The following PDE1B variants were observed in gnomAD, a reference collection of about 807,000 sequenced individuals.
The protein encoded by PDE1B is phosphodiesterase 1B.
Under a neutral mutation model 66.7 loss-of-function variants are expected in PDE1B, and 13 were observed. The ratio of observed to expected loss-of-function variants is 0.19; its 90% confidence interval spans 0.13 to 0.31. The LOEUF is 0.31. Ranked by LOEUF, PDE1B falls within the 10% of genes least tolerant of loss-of-function variation. The pLI is 1.00. For missense variants in PDE1B, 485 were observed against 682.3 expected (o/e 0.71, Z 3.22); for synonymous variants, 230 against 253.9 (o/e 0.91, Z 0.90).
At position 54,573,870 on chromosome 12, in the gene PDE1B, A is replaced by AGAGAGAGAGAGAGAGT. The variant is rs774810310; in HGVS notation, c.1064+162_1064+163insAGAGAGAGAGAGAGTG. On this transcript the variant is annotated intron_variant, in intron 10 of 15. Coordinates refer to ENST00000243052, the MANE Select transcript of PDE1B (RefSeq NM_000924.4). This position sits in a 1 kb window ranked among gnomAD's most constrained non-coding sequence, Gnocchi z 5.2. ...GCATCTCTATGTGAGAGAGAGAGAG[A>AGAGAGAGAGAGAGAGT]GTGTGTGTGTGTGTGTGTGTGTGTG... 8 of 502,006 alleles carry AGAGAGAGAGAGAGAGT rather than the reference A, an allele frequency of 1.6e-5. No homozygotes were observed. Among genetic ancestry groups the AGAGAGAGAGAGAGAGT allele is most frequent in the African/African-American group, 1.6e-4 (7 of 44,864 alleles). 31.1% of individuals were successfully genotyped at this position (502,006 alleles called of 1,614,324 possible).
Position 54,573,084 on chromosome 12 carries a change from G to C in PDE1B, c.736-64G>C, listed in dbSNP as rs2121143383. The C allele has an allele frequency of 8.6e-7, 1 of 1,160,544 alleles. No individual in the cohort carries two copies. Among genetic ancestry groups the C allele is most frequent in the Non-Finnish European group, 1.3e-6 (1 of 768,616 alleles). The allele number at this position is 1,160,544 out of a possible 1,614,324, so 71.9% of individuals were successfully genotyped here. The stretch of plus-strand genomic sequence containing the variant: ...GGATGAGTGATCTAGCCTGTGTGTG[G>C]AGGTTCCTGGGAAGTGACCAGCAGG... On this transcript the variant is annotated intron_variant, in intron 7 of 15. Transcript: ENST00000243052. The surrounding 1 kb of genome is among the most constrained non-coding windows in gnomAD (Gnocchi z 5.2).
chr12:54,550,332 A>G (rs1333267491), intron 2 of PDE1B: 3 of 854,472 alleles, frequency 3.5e-6, no homozygotes, highest in South Asian at 3.3e-5. Context: ...ACACATATCC[A>G]TGTGCAGAGT....
rs201364707 is a variant in PDE1B, at chr12:54,573,306, C to G, written c.837-49C>G. On this transcript the variant is annotated intron_variant, in intron 8 of 15. Coordinates refer to ENST00000243052, the MANE Select transcript of PDE1B (RefSeq NM_000924.4). This position sits in a 1 kb window ranked among gnomAD's most constrained non-coding sequence, Gnocchi z 5.2. ...GGCCAAGAGGAGGTGGGGAGGTTGC[C>G]GGAGTCCCTCCTTACAGGGGGTGGT... 340 of 1,613,614 alleles carry G rather than the reference C, an allele frequency of 2.1e-4. No homozygotes were observed. Among genetic ancestry groups the G allele is most frequent in the Non-Finnish European group, 2.6e-4 (312 of 1,179,730 alleles).
At chr12:54,563,597 A>G (rs1251753491) in intron 2 of PDE1B, among the ~76,000 whole-genome samples, 1 of 152,160 alleles carries the variant, frequency 6.6e-6, no homozygotes, top group Non-Finnish European at 1.5e-5. Flanking sequence ...CTTGTATTTG[A>G]AGGGAGTGTG....
intron 14 of PDE1B, 175 bp from the exon 15 acceptor site, chr12:54,577,050 T>C (rs1592176610): frequency 1.6e-6 from 1 of 644,480 alleles, no homozygotes; most frequent in East Asian, 2.7e-5. Flanking sequence ...GTGTTGAGGG[T>C]TCTGAGTTTT....
chr12:54,563,698 G>A (rs970691438), intron 2 of PDE1B, among the ~76,000 whole-genome samples: 4 of 152,124 alleles, frequency 2.6e-5, no homozygotes, highest in Non-Finnish European at 4.4e-5. Flanking sequence ...TATGTGCCAG[G>A]CCTTTTAATG....
chr12:54,576,777 T>G, intron 14 of PDE1B, 76 bp downstream of exon 14: 1 of 1,478,676 alleles, frequency 6.8e-7, no homozygotes, highest in Non-Finnish European at 9.2e-7. Context: ...CCATTTTTCT[T>G]AAGCCCCTGG....
chr12:54,567,139 C>T (rs1565698497), intron 3 of PDE1B, 52 bp downstream of exon 3: 12 of 939,006 alleles, frequency 1.3e-5, no homozygotes, highest in Non-Finnish European at 2.0e-5. Context: ...CATAGTGTTC[C>T]AGAGAGAGGG....
chr12:54,576,115 G>T lies in PDE1B; in HGVS notation c.1376+15G>T, dbSNP rs1957738691. On this transcript the variant is annotated intron_variant, in intron 13 of 15. Transcript: ENST00000243052. ...AACCAGCCCAGGTGAGGGTGGCTGG[G>T]GTAGCCAGATATCTTGGTTCAGGAA... 1.3e-6 allele frequency: 2 copies of T among 1,494,348 alleles called. No homozygotes were observed. Among genetic ancestry groups the T allele is most frequent in the Non-Finnish European group, 1.9e-6 (2 of 1,070,742 alleles). 92.6% of individuals were successfully genotyped at this position (1,494,348 alleles called of 1,614,324 possible).
At chr12:54,561,560 T>C in intron 2 of PDE1B, 1 of 1,514,722 alleles carries the variant, frequency 6.6e-7, no homozygotes. Context: ...ATTTTGATAC[T>C]CTGAAGCAGG....
At chr12:54,570,791 G>A (rs1157357163) in intron 6 of PDE1B, 1 of 166,598 alleles carries the variant, frequency 6.0e-6, no homozygotes, top group Non-Finnish European at 1.3e-5. Flanking sequence ...ATTATATAGA[G>A]AAGGTCAGCT....
At chr12:54,562,437 G>A (rs1226664386) in intron 2 of PDE1B, among the ~76,000 whole-genome samples, 1 of 152,196 alleles carries the variant, frequency 6.6e-6, no homozygotes, top group Non-Finnish European at 1.5e-5. Context: ...GATGGAGTTC[G>A]AAGGAAAGTT....
chr12:54,561,856 C>G (rs890092711), intron 2 of PDE1B, among the ~76,000 whole-genome samples: 16 of 152,144 alleles, frequency 1.1e-4, no homozygotes, highest in East Asian at 5.8e-4. Flanking sequence ...CATCCCCCCC[C>G]ACCTTTGTAA....
chr12:54,567,072 A>G lies in PDE1B; in HGVS notation c.212A>G (p.Tyr71Cys). ...EYTASLLEAV[Y>C]IDETRQILDT... ...ACAGCTTCTCTGCTGGAAGCCGTCT[A>G]CATAGATGAGACACGGTGAGAGAGA... The change falls in exon 3 of 16, where the codon TAC (tyrosine) becomes TGC (cysteine). Residue 71 changes from tyrosine to cysteine, a missense_variant. By Grantham distance (194) the Tyr-to-Cys change is radical. This residue lies in a region of PDE1B where 282 missense variants were observed against 453.4 expected (regional missense o/e 0.62). Transcript: ENST00000243052. 6.3e-7 allele frequency: 1 copy of G among 1,582,910 alleles called. No homozygotes were observed. Among genetic ancestry groups the G allele is most frequent in the Non-Finnish European group, 8.7e-7 (1 of 1,153,606 alleles).
At chr12:54,560,546 G>A (rs765464207) in intron 2 of PDE1B, among the ~76,000 whole-genome samples, 1 of 152,124 alleles carries the variant, frequency 6.6e-6, no homozygotes, top group Non-Finnish European at 1.5e-5. Context: ...GCCAATCACG[G>A]CCCCAGCGTA....
chr12:54,566,743 G>A (rs576369458), intron 2 of PDE1B, among the ~76,000 whole-genome samples: 1 of 152,344 alleles, frequency 6.6e-6, no homozygotes, highest in South Asian at 2.1e-4. Flanking sequence ...GGATGGTGGA[G>A]TCAGGAAAAC....
In PDE1B at chr12:54,549,880, T is replaced by G. The variant is rs1161056737; in HGVS notation, c.8T>G (p.Leu3Arg). The G allele has an allele frequency of 6.2e-7, 1 of 1,613,398 alleles. No homozygotes were observed. Among genetic ancestry groups the G allele is most frequent in the East Asian group, 2.2e-5 (1 of 44,858 alleles). Residue 3 changes from leucine (L) to arginine (R), a missense_variant, in exon 2 of 16, where the codon CTG becomes CGG. Coordinates refer to ENST00000243052, the MANE Select transcript of PDE1B (RefSeq NM_000924.4). ...CGTAGACCGTGGCTGAGCATGGAGC[T>G]GTCCCCCCGCAGTCCTCCGGAGATG... ME[L>R]SPRSPPEMLE... is the part of the protein sequence containing the mutation.
At chr12:54,553,319 T>C (rs1166419248) in intron 2 of PDE1B, among the ~76,000 whole-genome samples, 1 of 152,216 alleles carries the variant, frequency 6.6e-6, no homozygotes, top group African/African-American at 2.4e-5. Flanking sequence ...CCAGTTTCTC[T>C]TGGAATTTTA....
In PDE1B at chr12:54,575,726, C is replaced by T; in HGVS notation, c.1267+94C>T. ...CTCCAAGTCCTCAATCCCCCCAAAC[C>T]ATTCTTCCTGTAGAGGAAAGCCTAC... On this transcript the variant is annotated intron_variant, in intron 12 of 15. Transcript: ENST00000243052. This position sits in a 1 kb window ranked among gnomAD's most constrained non-coding sequence, Gnocchi z 4.0. 1.0e-6 allele frequency: 1 copy of T among 958,266 alleles called. No homozygotes were observed. Among genetic ancestry groups the T allele is most frequent in the Non-Finnish European group, 1.7e-6 (1 of 595,644 alleles). The allele number at this position is 958,266 out of a possible 1,614,324, so 59.4% of individuals were successfully genotyped here. A position where few individuals can be genotyped will look rare whatever the true frequency, so the allele number is the denominator to read the frequency against.
Sources: allele counts gnomAD v4.1 joint callset (sites outside exome capture counted in the v4.1 genomes callset), GRCh38; gene constraint gnomAD v4.1.1; regional missense constraint gnomAD v4.1.1; non-coding constraint Gnocchi (gnomAD v3.1); transcripts MANE v1.5; gene names NCBI Gene and HGNC (gene_info 2026-07-23, HGNC 2026-07-21).